EMP2: variants seen among roughly 807,000 people sequenced by gnomAD.
EMP2 encodes the protein epithelial membrane protein 2.
In EMP2, 19 loss-of-function variants were observed where a neutral mutation model predicts 13.7. The observed-to-expected ratio is 1.38, with a 90% confidence interval of 0.97 to 2.03. The LOEUF (loss-of-function observed/expected upper bound fraction) is 2.03. Ranked by LOEUF, EMP2 falls within the 30% of genes most tolerant of loss-of-function variation. EMP2 has a pLI of 0.00. For synonymous variants in EMP2, 97 were observed against 84.7 expected (o/e 1.15, Z -0.80); for missense variants, 253 against 220.7 (o/e 1.15, Z -0.93).
At chr16:10,563,780 A>G (rs1442859032) in intron 1 of EMP2, among the ~76,000 whole-genome samples, 1 of 152,224 alleles carries the variant, frequency 6.6e-6, no homozygotes. Flanking sequence ...TCTCCACTCT[A>G]AAGTGGGGAT....
At chr16:10,536,133 A>C (rs2142168986) in intron 4 of EMP2, among the ~76,000 whole-genome samples, 1 of 152,328 alleles carries the variant, frequency 6.6e-6, no homozygotes, top group Admixed American at 6.5e-5. Context: ...CTGGCTGTCC[A>C]GTAAAAGTGC....
intron 1 of EMP2, among the ~76,000 whole-genome samples, chr16:10,560,260 G>C (rs368196206): frequency 6.6e-6 from 1 of 152,134 alleles, no homozygotes; most frequent in Non-Finnish European, 1.5e-5. Flanking sequence ...AACATGCTTT[G>C]CAAAGCACAC....
intron 1 of EMP2, among the ~76,000 whole-genome samples, chr16:10,552,848 G>C (rs916967187): frequency 3.3e-5 from 5 of 152,224 alleles, no homozygotes; most frequent in Non-Finnish European, 7.3e-5. Context: ...AATGGTTTCA[G>C]ATGGACATTT....
rs760312919 is a variant in EMP2 at position 10,538,087 on chromosome 16, G to A, written c.170-13C>T. 3.7e-6 allele frequency: 6 copies of A among 1,612,786 alleles called. No individual in the cohort carries two copies. The highest frequency in any genetic ancestry group is 4.2e-6 in the Non-Finnish European group (5 of 1,179,766). ...AGCGTGGAGTACTCTGCGGGAAAAG[G>A]GCAGGGGCGCAGGACTGAGGACCTT... On this transcript the variant is annotated splice_polypyrimidine_tract_variant and intron_variant, in intron 3 of 4. Coordinates refer to ENST00000359543, the MANE Select transcript of EMP2 (RefSeq NM_001424.6).
intron 1 of EMP2, among the ~76,000 whole-genome samples, chr16:10,547,994 A>C (rs2050752839): frequency 6.6e-6 from 1 of 152,040 alleles, no homozygotes; most frequent in Admixed American, 6.6e-5. Context: ...TAATTGCGCC[A>C]CTGCACTCCA....
intron 1 of EMP2, among the ~76,000 whole-genome samples, chr16:10,559,856 G>A (rs574275595): frequency 1.1e-3 from 167 of 152,182 alleles, no homozygotes; most frequent in Middle Eastern, 3.4e-3. Context: ...TGTATTTTTA[G>A]TAAAGACGGA....
In EMP2 at chr16:10,548,759, C is replaced by T. The variant is rs573223933; in HGVS notation, c.-60-1082G>A. Among the ~76,000 whole-genome samples the T allele has an allele frequency of 3.9e-5, 6 of 152,214 alleles. No homozygotes were observed. In the East Asian group the frequency reaches 1.2e-3, roughly 29 times the overall value. On this transcript the variant is annotated intron_variant, in intron 1 of 4. Transcript: ENST00000359543. The stretch of plus-strand genomic sequence containing the variant: ...AAATACCCACTCAGACACCATTCTT[C>T]TTAATATATATTCCCATTTGAACAA...
Position 10,530,939 on chromosome 16 carries a change from A to C in EMP2, c.*1966T>G, listed in dbSNP as rs564950028. ...GAGCATTTAATAATAGGCACGCGTA[A>C]AGCAGCCTCCCTACCATGCCACAGG... On this transcript the variant is annotated 3_prime_UTR_variant, in exon 5 of 5. Transcript: ENST00000359543. The C allele has an allele frequency of 6.6e-6, 1 of 152,304 alleles. No individual in the cohort carries two copies. Among genetic ancestry groups the C allele is most frequent in the South Asian group, 2.1e-4 (1 of 4,824 alleles). 9.4% of individuals were successfully genotyped at this position (152,304 alleles called of 1,614,324 possible). A position where few individuals can be genotyped will look rare whatever the true frequency, so the allele number is the denominator to read the frequency against.
intron 1 of EMP2, among the ~76,000 whole-genome samples, chr16:10,562,374 CTCTCTCTA>C (rs1255906594): frequency 6.8e-4 from 97 of 142,866 alleles, no homozygotes; most frequent in Non-Finnish European, 8.3e-4. Flanking sequence ...CTCTCTCTCT[CTCTCTCTA>C]TCTATCTCTC....
intron 1 of EMP2, among the ~76,000 whole-genome samples, chr16:10,553,786 G>T (rs1362751985): frequency 6.6e-6 from 1 of 152,218 alleles, no homozygotes; most frequent in Non-Finnish European, 1.5e-5. Flanking sequence ...GTCGCTTCCG[G>T]ACTTTCTGCG....
In EMP2 at chr16:10,547,678, C is replaced by T. The variant is rs2050750555; in HGVS notation, c.-60-1G>A. On this transcript the variant is annotated splice_acceptor_variant, in intron 1 of 4. Coordinates refer to ENST00000359543, the MANE Select transcript of EMP2 (RefSeq NM_001424.6). LOFTEE classifies it low-confidence loss of function (5UTR_SPLICE). ...CGTTTAAAGCCCAGAGCGGGATGTG[C>T]TGAAGAGGGTAAGAAAGAGAAATTC... The T allele has an allele frequency of 2.6e-6, 4 of 1,523,796 alleles. No individual in the cohort carries two copies. The highest frequency in any genetic ancestry group is 1.8e-4 in the Middle Eastern group (1 of 5,618). 94.4% of individuals were successfully genotyped at this position (1,523,796 alleles called of 1,614,324 possible).
intron 1 of EMP2, among the ~76,000 whole-genome samples, chr16:10,549,134 T>C (rs1429601783): frequency 3.3e-5 from 5 of 152,190 alleles, no homozygotes; most frequent in South Asian, 4.1e-4. Context: ...GATATTATGA[T>C]TGGGGAATTA....
intron 4 of EMP2, among the ~76,000 whole-genome samples, chr16:10,537,643 C>T (rs1402408403): frequency 3.3e-5 from 5 of 152,078 alleles, no homozygotes; most frequent in Admixed American, 2.0e-4. Context: ...TCGACAGCGA[C>T]TCCTACTCAC....
chr16:10,572,063 C>A (rs1013789879), intron 1 of EMP2, among the ~76,000 whole-genome samples: 1 of 152,202 alleles, frequency 6.6e-6, no homozygotes, highest in Non-Finnish European at 1.5e-5. Context: ...ACCTGATGAT[C>A]TAAATATATT....
At chr16:10,578,208 G>C (rs2050998002) in intron 1 of EMP2, 1 of 152,214 alleles carries the variant, frequency 6.6e-6, no homozygotes. Context: ...GGGCAGGAGA[G>C]TGTCACTCTA....
intron 1 of EMP2, among the ~76,000 whole-genome samples, chr16:10,553,380 C>T (rs1165892766): frequency 1.3e-5 from 2 of 152,196 alleles, no homozygotes; most frequent in African/African-American, 4.8e-5. Context: ...TGCCTCGTCC[C>T]GCCCCTCACT....
chr16:10,572,180 G>T (rs1204223250), intron 1 of EMP2, among the ~76,000 whole-genome samples: 2 of 152,152 alleles, frequency 1.3e-5, no homozygotes, highest in African/African-American at 4.8e-5. Flanking sequence ...TTGCAGCTGG[G>T]CACAGTGGTT....
At chr16:10,549,883 C>CTTTTTTTTTTTTTTTTTTTTTTTTTTTT (rs59259895) in intron 1 of EMP2, among the ~76,000 whole-genome samples, 1 of 112,272 alleles carries the variant, frequency 8.9e-6, no homozygotes, top group Non-Finnish European at 1.8e-5. Context: ...TTTTCTTTTT[C>CTTTTTTTTTTTTTTTTTTTTTTTTTTTT]TTTTTTTTTT....
chr16:10,559,073 C>T (rs1023947320), intron 1 of EMP2: 6 of 152,370 alleles, frequency 3.9e-5, no homozygotes, highest in African/African-American at 1.4e-4. Context: ...CTCCAACGGC[C>T]AGGGAGGCTC....
Sources: allele counts gnomAD v4.1 joint callset (sites outside exome capture counted in the v4.1 genomes callset), GRCh38; gene constraint gnomAD v4.1.1; transcripts MANE v1.5; gene names NCBI Gene and HGNC (gene_info 2026-07-23, HGNC 2026-07-21).